The following TGM3 variants were observed in gnomAD, a reference collection of about 807,000 sequenced individuals.
TGM3 encodes protein-glutamine gamma-glutamyltransferase E.
Under a neutral mutation model 73.8 loss-of-function variants are expected in TGM3, and 52 were observed. The observed-to-expected ratio is 0.70, with a 90% CI of 0.56 to 0.89. The LOEUF (loss-of-function observed/expected upper bound fraction) is 0.89, where lower values mean the gene tolerates loss of function less well. Ranked by LOEUF, TGM3 falls within the 40% of genes least tolerant of loss-of-function variation. The pLI is 0.00. For missense variants in TGM3, 928 were observed against 909.9 expected, an observed-to-expected ratio of 1.02 and a Z score of -0.26; for synonymous variants, 372 against 354.9, an observed-to-expected ratio of 1.05 and a Z score of -0.54.
chr20:2,336,349 C>T (rs530664530), intron 11 of TGM3, among the ~76,000 whole-genome samples: 9 of 152,250 alleles, frequency 5.9e-5, no homozygotes, highest in African/African-American at 2.2e-4. Flanking sequence ...AATCAAGAGC[C>T]TCATGGGCCA....
chr20:2,333,983 C>T (rs1322672025), intron 10 of TGM3, among the ~76,000 whole-genome samples: 1 of 152,210 alleles, frequency 6.6e-6, no homozygotes, highest in Admixed American at 6.5e-5. Context: ...AGGCAGCTTC[C>T]TCCTCACAGT....
chr20:2,317,945 T>TC (rs1317072253), intron 7 of TGM3, among the ~76,000 whole-genome samples: 24 of 135,634 alleles, frequency 1.8e-4, no homozygotes, highest in African/African-American at 7.3e-4. Context: ...ATATATATCA[T>TC]ATATATATAT....
chr20:2,319,746 G>A (rs1218659284), intron 7 of TGM3, among the ~76,000 whole-genome samples: 1 of 152,094 alleles, frequency 6.6e-6, no homozygotes, highest in Non-Finnish European at 1.5e-5. Context: ...CAAGGGAGCT[G>A]ATAGTTACTC....
In TGM3 at chr20:2,325,887, C is replaced by G. The variant is rs372653108; in HGVS notation, c.1022C>G (p.Ser341Cys). 5.7e-6 allele frequency: 9 copies of G among 1,585,494 alleles called. No homozygotes were observed. Among genetic ancestry groups the G allele is most frequent in the Non-Finnish European group, 7.7e-6 (9 of 1,164,582 alleles). The change falls in exon 8 of 13, where the codon TCT (serine) becomes TGT (cysteine). Residue 341 changes from serine to cysteine, a missense_variant. Ser to Cys is a moderately radical substitution (Grantham distance 112, BLOSUM62 -1). Transcript: ENST00000381458. The stretch of plus-strand genomic sequence containing the variant: ...TGGAATGAAGGCTGGTTTGTGAGGT[C>G]TGACCTGGGCCCCTCGTACGGTGGA... ...HVWNEGWFVRSDLGPSYGGWQ... is the reference protein window; with the variant it reads ...HVWNEGWFVRCDLGPSYGGWQ...
intron 11 of TGM3, among the ~76,000 whole-genome samples, chr20:2,336,889 G>C (rs971730974): frequency 6.6e-6 from 1 of 152,110 alleles, no homozygotes; most frequent in Non-Finnish European, 1.5e-5. Flanking sequence ...TTCCCTTGCA[G>C]AGTGTCATTT....
At chr20:2,320,832 G>C (rs1053972802) in intron 7 of TGM3, among the ~76,000 whole-genome samples, 1 of 152,206 alleles carries the variant, frequency 6.6e-6, no homozygotes, top group Non-Finnish European at 1.5e-5. Flanking sequence ...TTTAGCCAAA[G>C]TTATCTTGAC....
chr20:2,340,755 G>GACCCA lies in TGM3; in HGVS notation c.*174_*175insACCCA. 1.2e-6 allele frequency: 1 copy of GACCCA among 864,514 alleles called. No individual in the cohort carries two copies. Among genetic ancestry groups the GACCCA allele is most frequent in the Non-Finnish European group, 1.9e-6 (1 of 536,172 alleles). 53.6% of individuals were successfully genotyped at this position (864,514 alleles called of 1,614,324 possible). A position where few individuals can be genotyped will look rare whatever the true frequency, so the allele number is the denominator to read the frequency against. On this transcript the variant is annotated 3_prime_UTR_variant, in exon 13 of 13. Transcript: ENST00000381458. ...TCCCCCTCTCCTCTCCCCCAGGTTG[G>GACCCA]GGCTGGGTCCACCCTGTCCTATGAC...
chr20:2,301,040 A>C (rs1323754848), intron 1 of TGM3, among the ~76,000 whole-genome samples: 1 of 152,060 alleles, frequency 6.6e-6, no homozygotes, highest in Admixed American at 6.6e-5. Flanking sequence ...CGGTTCAGGC[A>C]CCAATCTGGG....
chr20:2,336,588 G>A (rs1234499929), intron 11 of TGM3, among the ~76,000 whole-genome samples: 2 of 149,052 alleles, frequency 1.3e-5, no homozygotes, highest in South Asian at 4.4e-4. Context: ...CTCTGATGCC[G>A]GGCCTGGTTC....
At chr20:2,300,259 G>A (rs57601713) in intron 1 of TGM3, among the ~76,000 whole-genome samples, 2,650 of 128,482 alleles carry the variant, frequency 0.021, 74 homozygotes, top group African/African-American at 0.066. Flanking sequence ...AAAGAAAAGA[G>A]AGGAGAAGAG....
chr20:2,326,264 T>G (rs896160538), intron 8 of TGM3, among the ~76,000 whole-genome samples: 1 of 152,172 alleles, frequency 6.6e-6, no homozygotes, highest in Admixed American at 6.5e-5. Context: ...AGCCTCTCCT[T>G]CCCAGCACAG....
At chr20:2,327,479 A>T (rs2084294853) in intron 8 of TGM3, among the ~76,000 whole-genome samples, 1 of 152,182 alleles carries the variant, frequency 6.6e-6, no homozygotes, top group Non-Finnish European at 1.5e-5. Context: ...TGCATCTCAA[A>T]AAAACAAACA....
intron 7 of TGM3, among the ~76,000 whole-genome samples, chr20:2,324,097 A>G (rs2084274898): frequency 6.6e-6 from 1 of 152,050 alleles, no homozygotes; most frequent in East Asian, 1.9e-4. Context: ...GATAATTTCT[A>G]GTCATCTATC....
intron 1 of TGM3, 151 bp downstream of exon 1, chr20:2,296,221 G>A (rs2084106046): frequency 1.1e-6 from 1 of 934,140 alleles, no homozygotes; most frequent in Non-Finnish European, 1.6e-6. Flanking sequence ...CTAGCCAGAG[G>A]CGGCTCTTTC....
chr20:2,339,181 G>T (rs2422692), intron 11 of TGM3, among the ~76,000 whole-genome samples: 8 of 152,048 alleles, frequency 5.3e-5, no homozygotes, highest in African/African-American at 1.9e-4. Context: ...CCCAACCCCT[G>T]GAAAAAGAGT....
intron 1 of TGM3, among the ~76,000 whole-genome samples, chr20:2,297,400 T>G (rs1047556277): frequency 6.6e-6 from 1 of 152,218 alleles, no homozygotes; most frequent in African/African-American, 2.4e-5. Flanking sequence ...GATGAAAGCT[T>G]TGAAATGAAT....
At chr20:2,296,559 C>T (rs1353069696) in intron 1 of TGM3, among the ~76,000 whole-genome samples, 2 of 152,046 alleles carry the variant, frequency 1.3e-5, no homozygotes, top group African/African-American at 2.4e-5. Context: ...TATTTCAAAT[C>T]AACTTACTTA....
At chr20:2,300,938 G>A (rs2084143203) in intron 1 of TGM3, among the ~76,000 whole-genome samples, 1 of 152,086 alleles carries the variant, frequency 6.6e-6, no homozygotes. Context: ...ATAACCCTAA[G>A]AGAGAAGATG....
At chr20:2,338,985 A>C (rs933190146) in intron 11 of TGM3, among the ~76,000 whole-genome samples, 13 of 152,222 alleles carry the variant, frequency 8.5e-5, no homozygotes, top group African/African-American at 2.9e-4. Context: ...AAATAGTCCA[A>C]ATTGCTTTTC....
Sources: gnomAD v4.1 joint callset for allele counts (sites outside exome capture counted in the v4.1 genomes callset) on GRCh38, gnomAD v4.1.1 for gene constraint, MANE v1.5 for transcripts, NCBI Gene and HGNC (gene_info 2026-07-23, HGNC 2026-07-21) for gene names.